SMCO4: variants seen among roughly 807,000 people sequenced by gnomAD.
The protein encoded by SMCO4 is single-pass membrane protein with coiled-coil domains 4, also known as single-pass membrane and coiled-coil domain-containing protein 4.
A neutral mutation model predicts 3.6 loss-of-function variants in SMCO4; 4 were observed. That is an observed-to-expected ratio of 1.11 (90% confidence interval 0.54 to 2.53). The LOEUF (loss-of-function observed/expected upper bound fraction) is 2.53. Ranked by LOEUF, SMCO4 falls within the 30% of genes most tolerant of loss-of-function variation. SMCO4 has a pLI of 0.02. For missense variants in SMCO4, 70 were observed against 80.8 expected (o/e 0.87, Z 0.51); for synonymous variants, 36 against 35.3 (o/e 1.02, Z -0.07).
chr11:93,534,243 C>T lies in SMCO4; in HGVS notation c.-154+9033G>A, dbSNP rs1167836104. ...ACACACACACACACACACACACACA[C>T]ACACACACACACACACACAAACACA... is the stretch of plus-strand genomic sequence containing the variant. On this transcript the variant is annotated intron_variant, in intron 1 of 2. Transcript: ENST00000298966. 2.6e-3 allele frequency among the ~76,000 whole-genome samples: 93 copies of T among 36,200 alleles called. 3 individuals carry two copies. The highest frequency in any genetic ancestry group is 0.014 in the Middle Eastern group (1 of 72). The allele number at this position is 36,200 out of a possible 152,430, so 23.7% of individuals were successfully genotyped here. A position where few individuals can be genotyped will look rare whatever the true frequency, so the allele number is the denominator to read the frequency against.
intron 1 of SMCO4, among the ~76,000 whole-genome samples, chr11:93,524,514 C>T (rs138969290): frequency 2.0e-5 from 3 of 152,194 alleles, no homozygotes; most frequent in East Asian, 1.9e-4. Context: ...GAGATGATGA[C>T]GACCACTCCC....
At chr11:93,529,383 C>T (rs1207861903) in intron 1 of SMCO4, among the ~76,000 whole-genome samples, 1 of 152,158 alleles carries the variant, frequency 6.6e-6, no homozygotes, top group East Asian at 1.9e-4. Flanking sequence ...AGAGCAGCTG[C>T]TCCTGGCACT....
chr11:93,519,107 G>C (rs573308509), intron 1 of SMCO4, among the ~76,000 whole-genome samples: 1 of 152,292 alleles, frequency 6.6e-6, no homozygotes, highest in South Asian at 2.1e-4. Flanking sequence ...CCAAGGGAAA[G>C]ATACGAAAGC....
rs139865403 is a variant in SMCO4 at position 93,526,408 on chromosome 11, A to G, written c.-154+16868T>C. On this transcript the variant is annotated intron_variant, in intron 1 of 2. Transcript: ENST00000298966. The stretch of plus-strand genomic sequence containing the variant: ...TCCTAAATTACAACTCATTTCACCA[A>G]AGAGATGAGAGTTTTGGGGAGAGTG... Among the ~76,000 whole-genome samples, 217 of 152,306 alleles carry G rather than the reference A, an allele frequency of 1.4e-3. 1 individual carries two copies. The highest frequency in any genetic ancestry group is 6.8e-3 in the Middle Eastern group (2 of 294).
intron 1 of SMCO4, among the ~76,000 whole-genome samples, chr11:93,531,729 G>A (rs557519690): frequency 6.6e-6 from 1 of 152,288 alleles, no homozygotes; most frequent in South Asian, 2.1e-4. Flanking sequence ...AGGCAGTTGT[G>A]AAAGGAAAAT....
At chr11:93,542,699 C>T (rs540282207) in intron 1 of SMCO4, among the ~76,000 whole-genome samples, 27 of 152,278 alleles carry the variant, frequency 1.8e-4, no homozygotes, top group Non-Finnish European at 3.8e-4. Flanking sequence ...CCCGAAAGAA[C>T]GGGGGAGGAG....
At chr11:93,537,535 G>A (rs978841284) in intron 1 of SMCO4, among the ~76,000 whole-genome samples, 1 of 151,934 alleles carries the variant, frequency 6.6e-6, no homozygotes, top group African/African-American at 2.4e-5. Context: ...TTGCTTCCCA[G>A]TAATAATTAA....
chr11:93,523,135 G>A (rs1949074224), intron 1 of SMCO4, among the ~76,000 whole-genome samples: 1 of 152,154 alleles, frequency 6.6e-6, no homozygotes, highest in Non-Finnish European at 1.5e-5. Flanking sequence ...GTCACTAGGT[G>A]ACCAAAAATG....
chr11:93,539,081 ATG>A (rs1949251929), intron 1 of SMCO4, among the ~76,000 whole-genome samples: 1 of 152,100 alleles, frequency 6.6e-6, no homozygotes, highest in Admixed American at 6.5e-5. Context: ...GTGAACACAC[ATG>A]TGTTTCTGCA....
intron 2 of SMCO4, among the ~76,000 whole-genome samples, chr11:93,493,269 AGG>A (rs1226443711): frequency 6.6e-6 from 1 of 152,174 alleles, no homozygotes; most frequent in African/African-American, 2.4e-5. Context: ...CTCCAGTCTT[AGG>A]TCCACTCAGG....
rs151187388 is a variant in SMCO4, at chr11:93,501,948, C to T, written c.-153-2600G>A. 8.6e-3 allele frequency among the ~76,000 whole-genome samples: 1,302 copies of T among 152,192 alleles called. 5 individuals are homozygous for T. The highest frequency in any genetic ancestry group is 0.015 in the Admixed American group (224 of 15,296). On this transcript the variant is annotated intron_variant, in intron 1 of 2. Coordinates refer to ENST00000298966, the MANE Select transcript of SMCO4 (RefSeq NM_020179.3). ...CACTTGGAACCCCTGCTATGCCTCT[C>T]TATAGCCCAGAGGCCTGGGCTGCAC...
chr11:93,483,648 T>C (rs1358650074), intron 2 of SMCO4, among the ~76,000 whole-genome samples: 1 of 152,144 alleles, frequency 6.6e-6, no homozygotes, highest in Non-Finnish European at 1.5e-5. Context: ...CGTGTCTCTG[T>C]ATGTGATGAA....
chr11:93,552,765 C>A, the SMCO4 span, among the ~76,000 whole-genome samples: 2 of 152,128 alleles, frequency 1.3e-5, no homozygotes, highest in Non-Finnish European at 2.9e-5. Flanking sequence ...AGCCACCGCA[C>A]CTGGCCCACA....
intron 2 of SMCO4, 90 bp from the exon 3 acceptor site, chr11:93,479,359 A>G: frequency 1.6e-6 from 2 of 1,215,198 alleles, no homozygotes; most frequent in Non-Finnish European, 2.2e-6. Flanking sequence ...TAGGAAAAAT[A>G]TCTGCAACTT....
intron 1 of SMCO4, among the ~76,000 whole-genome samples, chr11:93,543,073 A>G (rs918503423): frequency 6.6e-6 from 1 of 150,844 alleles, no homozygotes; most frequent in African/African-American, 2.4e-5. Context: ...CGGGCCCCCA[A>G]CCCCGCCCGC....
At chr11:93,526,541 C>T (rs1054007477) in intron 1 of SMCO4, among the ~76,000 whole-genome samples, 1 of 152,044 alleles carries the variant, frequency 6.6e-6, no homozygotes, top group Non-Finnish European at 1.5e-5. Context: ...ACCAGTGAAG[C>T]GATGGTAGAG....
intron 1 of SMCO4, among the ~76,000 whole-genome samples, chr11:93,527,742 T>G (rs11020403): frequency 0.27 from 40,563 of 152,140 alleles, 5,675 homozygotes; most frequent in African/African-American, 0.29. Context: ...ATTATAGGCA[T>G]GAGACACCAC....
At chr11:93,501,140 G>A (rs1455916117) in intron 1 of SMCO4, among the ~76,000 whole-genome samples, 2 of 152,184 alleles carry the variant, frequency 1.3e-5, no homozygotes, top group African/African-American at 4.8e-5. Context: ...ATAGAGACTA[G>A]ATCAGTGGTA....
At chr11:93,493,931 A>T (rs1201258791) in intron 2 of SMCO4, among the ~76,000 whole-genome samples, 1 of 152,066 alleles carries the variant, frequency 6.6e-6, no homozygotes, top group Non-Finnish European at 1.5e-5. Context: ...TCTACATCAG[A>T]TTGTTCTCCC....
Sources: gnomAD v4.1 joint callset for allele counts (sites outside exome capture counted in the v4.1 genomes callset) on GRCh38, gnomAD v4.1.1 for gene constraint, MANE v1.5 for transcripts, NCBI Gene and HGNC (gene_info 2026-07-23, HGNC 2026-07-21) for gene names.